The following MSH6 variants were observed in gnomAD, a reference collection of about 807,000 sequenced individuals.
The protein encoded by MSH6 is mutS homolog 6, also known as DNA mismatch repair protein Msh6.
MSH6 carries 85 observed loss-of-function variants against 119.1 expected under a neutral mutation model. The observed-to-expected ratio is 0.71, with a 90% CI of 0.60 to 0.85. The LOEUF is 0.85. Among genes scored for constraint, MSH6 ranks in the 40% least tolerant of loss-of-function variants. The pLI is 0.00. For synonymous variants in MSH6, 830 were observed against 586.9 expected, an observed-to-expected ratio of 1.41 and a Z score of -5.99; for missense variants, 2,163 against 1,655.3, an observed-to-expected ratio of 1.31 and a Z score of -5.32.
intron 3 of MSH6, among the ~76,000 whole-genome samples, chr2:47,796,702 T>C (rs1449044326): frequency 6.6e-6 from 1 of 152,248 alleles, no homozygotes; most frequent in Non-Finnish European, 1.5e-5. Flanking sequence ...GGTTAATGCC[T>C]ATAATCCCAG....
At chr2:47,796,497 C>T (rs894606365) in intron 3 of MSH6, among the ~76,000 whole-genome samples, 1 of 152,196 alleles carries the variant, frequency 6.6e-6, no homozygotes, top group Non-Finnish European at 1.5e-5. Flanking sequence ...CCACCTGGGC[C>T]TCCCAAAGTG....
chr2:47,788,505 G>C (rs1177995988), intron 1 of MSH6, among the ~76,000 whole-genome samples: 1 of 147,320 alleles, frequency 6.8e-6, no homozygotes, highest in African/African-American at 2.5e-5. Flanking sequence ...AACCCGCCTT[G>C]GCCTTTCAAA....
intron 1 of MSH6, chr2:47,783,929 A>C (rs1426538063): frequency 9.8e-6 from 10 of 1,020,290 alleles, no homozygotes; most frequent in Non-Finnish European, 1.2e-5. Context: ...GGGAAGGAGG[A>C]ATGCCTGCGG....
At position 47,804,946 on chromosome 2, in the gene MSH6, T is replaced by G. The variant is rs2104505614; in HGVS notation, c.3475T>G (p.Tyr1159Asp). ...AGCTGTAATGGCCCAGATGGGTTGT[T>G]ACGTCCCTGCTGAAGTGTGCAGGCT... is the stretch of plus-strand genomic sequence containing the variant. ...LLAVMAQMGC[Y>D]VPAEVCRLTP... is the part of the protein sequence containing the mutation. Residue 1159 changes from tyrosine (Y) to aspartate (D), a missense_variant, in exon 6 of 10, where the codon TAC (tyrosine) becomes GAC (aspartate). Tyr to Asp is a radical substitution (Grantham distance 160). Transcript: ENST00000234420. The G allele has an allele frequency of 1.9e-6, 3 of 1,614,166 alleles. No homozygotes were observed. Among genetic ancestry groups the G allele is most frequent in the Non-Finnish European group, 2.5e-6 (3 of 1,180,008 alleles).
intron 1 of MSH6, among the ~76,000 whole-genome samples, chr2:47,786,924 C>G (rs1344977718): frequency 6.6e-6 from 1 of 152,182 alleles, no homozygotes; most frequent in Non-Finnish European, 1.5e-5. Context: ...GTGTGAGCCA[C>G]CACACCCAGC....
chr2:47,785,736 A>G (rs1418322573), intron 1 of MSH6, among the ~76,000 whole-genome samples: 1 of 152,248 alleles, frequency 6.6e-6, no homozygotes, highest in Non-Finnish European at 1.5e-5. Context: ...TTAGAAAAGC[A>G]TGACGTATTG....
chr2:47,789,019 G>C (rs1431390309), intron 1 of MSH6, among the ~76,000 whole-genome samples: 1 of 138,646 alleles, frequency 7.2e-6, no homozygotes, highest in South Asian at 2.4e-4. Context: ...TCTGCTGCCC[G>C]GGTTCAAGTG....
Position 47,790,927 on chromosome 2 carries a change from T to G in MSH6, c.261T>G (p.Ser87Arg). 6.2e-7 allele frequency: 1 copy of G among 1,614,218 alleles called. No individual in the cohort carries two copies. Among genetic ancestry groups the G allele is most frequent in the Non-Finnish European group, 8.5e-7 (1 of 1,180,018 alleles). Reference sequence around the variant, plus strand: ...GTTATGTATTTCCTTTTGGCAACAGTTGTGACTTCTCACCAGGAGATTTGG... The same window carrying G: ...GTTATGTATTTCCTTTTGGCAACAGGTGTGACTTCTCACCAGGAGATTTGG... Reference protein sequence around the residue: ...RRSVAPAAPTSCDFSPGDLVW... With the variant: ...RRSVAPAAPTRCDFSPGDLVW... The change falls in exon 2 of 10, where the codon AGT becomes AGG. Residue 87 changes from serine to arginine, a missense_variant and splice_region_variant. Transcript: ENST00000234420.
chr2:47,783,440 G>A lies in MSH6; in HGVS notation c.207G>A (p.Ala69=), dbSNP rs757025193. 2 of 1,498,662 alleles carry A rather than the reference G, an allele frequency of 1.3e-6. No individual in the cohort carries two copies. The highest frequency in any genetic ancestry group is 4.9e-5 in the Admixed American group (2 of 41,140). 92.8% of individuals were successfully genotyped at this position (1,498,662 alleles called of 1,614,324 possible). The change falls in exon 1 of 10, where the codon GCG becomes GCA. Residue 69 remains alanine (A), a synonymous_variant. Coordinates refer to ENST00000234420, the MANE Select transcript of MSH6 (RefSeq NM_000179.3). ...CGCGCTCCGCGTCACCGCCCAAGGC[G>A]AAGAACCTCAACGGAGGGCTGCGGA... is the stretch of plus-strand genomic sequence containing the variant. ...PLARSASPPK[A]KNLNGGLRRS...
chr2:47,806,075 ATTT>A, intron 7 of MSH6, 126 bp from the exon 8 acceptor site: 1 of 906,960 alleles, frequency 1.1e-6, no homozygotes, highest in South Asian at 1.4e-5. Context: ...AACAAGGCCT[ATTT>A]ATAGAATGCT....
rs587782805 is a variant in MSH6 at position 47,800,130 on chromosome 2, C to T, written c.2147C>T (p.Thr716Ile). 2 of 1,613,970 alleles carry T rather than the reference C, an allele frequency of 1.2e-6. No homozygotes were observed. Among genetic ancestry groups the T allele is most frequent in the Admixed American group, 1.7e-5 (1 of 59,992 alleles). The part of the protein sequence containing the change: ...FEEYIPLDSD[T>I]VSTTRSGAIF... ...GAATATATTCCCTTGGATTCTGACA[C>T]AGTCAGCACTACAAGATCTGGTGCT... The change falls in exon 4 of 10, where the codon ACA becomes ATA. Residue 716 changes from threonine to isoleucine, a missense_variant. By Grantham distance (89) the Thr-to-Ile change is moderately conservative. Coordinates refer to ENST00000234420, the MANE Select transcript of MSH6 (RefSeq NM_000179.3).
intron 4 of MSH6, among the ~76,000 whole-genome samples, chr2:47,801,734 C>G (rs982960131): frequency 2.0e-5 from 3 of 152,046 alleles, no homozygotes; most frequent in Admixed American, 6.6e-5. Context: ...GCTCTGTTAC[C>G]CAGGACAGAC....
chr2:47,788,570 C>CTTTTTCT (rs1289777671), intron 1 of MSH6, among the ~76,000 whole-genome samples: 1 of 104,870 alleles, frequency 9.5e-6, no homozygotes, highest in African/African-American at 3.6e-5. Context: ...TTTTCTTTTT[C>CTTTTTCT]TTTTTTTTTT....
intron 3 of MSH6, among the ~76,000 whole-genome samples, chr2:47,796,955 G>T (rs970213588): frequency 6.6e-6 from 1 of 152,276 alleles, no homozygotes; most frequent in Non-Finnish European, 1.5e-5. Context: ...TCCAGCCAGG[G>T]TGACAGAGCA....
In MSH6 at chr2:47,806,202, A is replaced by C. The variant is rs267608111; in HGVS notation, c.3647-2A>C. On this transcript the variant is annotated splice_acceptor_variant, in intron 7 of 9. Transcript: ENST00000234420. LOFTEE classifies it high-confidence loss of function. ...TTCCTTATGCATATTTTACTTTAACAGGAAGAGGTACTGCAACATTTGATG... is the reference window on the plus strand; with the variant it reads ...TTCCTTATGCATATTTTACTTTAACCGGAAGAGGTACTGCAACATTTGATG... 6.2e-7 allele frequency: 1 copy of C among 1,613,836 alleles called. No individual in the cohort carries two copies. The highest frequency in any genetic ancestry group is 8.5e-7 in the Non-Finnish European group (1 of 1,179,796).
Position 47,799,794 on chromosome 2 carries a change from A to T in MSH6, c.1811A>T (p.Glu604Val), listed in dbSNP as rs2104369129. Residue 604 changes from glutamate to valine, a missense_variant, in exon 4 of 10, where the codon GAA (glutamate) becomes GTA (valine). Physicochemically the swap from Glu to Val is moderately radical, Grantham distance 121. Coordinates refer to ENST00000234420, the MANE Select transcript of MSH6 (RefSeq NM_000179.3). The stretch of plus-strand genomic sequence containing the variant: ...TTTGAAAAAGGAAATCTCTCAAAGG[A>T]AACTAAAACAATTCTAAAGAGTTCA... ...VLFEKGNLSK[E>V]TKTILKSSLS... is the part of the protein sequence containing the mutation. 6.2e-7 allele frequency: 1 copy of T among 1,614,236 alleles called. No individual in the cohort carries two copies. The highest frequency in any genetic ancestry group is 1.1e-5 in the South Asian group (1 of 91,088).
rs1114167754 is a variant in MSH6, at chr2:47,799,203, C to T, written c.1220C>T (p.Thr407Ile). Residue 407 changes from threonine to isoleucine, a missense_variant, in exon 4 of 10, where the codon ACT (threonine) becomes ATT (isoleucine). By Grantham distance (89) the Thr-to-Ile change is moderately conservative. Coordinates refer to ENST00000234420, the MANE Select transcript of MSH6 (RefSeq NM_000179.3). Reference sequence around the variant, plus strand: ...CCTGAGGATTTCCTCAATTCTTGTACTCCTGGGATGAGGAAGTGGTGGCAG... The same window carrying T: ...CCTGAGGATTTCCTCAATTCTTGTATTCCTGGGATGAGGAAGTGGTGGCAG... ...YVPEDFLNSC[T>I]PGMRKWWQIK... is the part of the protein sequence containing the mutation. 1.2e-6 allele frequency: 2 copies of T among 1,614,160 alleles called. No individual in the cohort carries two copies. The highest frequency in any genetic ancestry group is 8.5e-7 in the Non-Finnish European group (1 of 1,180,030).
In MSH6 at chr2:47,806,928, T is replaced by A; in HGVS notation, c.*68T>A. On this transcript the variant is annotated 3_prime_UTR_variant, in exon 10 of 10. Transcript: ENST00000234420. ...GGTAAATTCAGACAACATTATGATCTAATAAACTTTATTTTTTAAAAATGA... is the reference window on the plus strand; with the variant it reads ...GGTAAATTCAGACAACATTATGATCAAATAAACTTTATTTTTTAAAAATGA... 8.6e-7 allele frequency: 1 copy of A among 1,157,700 alleles called. No individual in the cohort carries two copies. The highest frequency in any genetic ancestry group is 1.3e-6 in the Non-Finnish European group (1 of 779,730). The allele number at this position is 1,157,700 out of a possible 1,614,324, so 71.7% of individuals were successfully genotyped here. A position where few individuals can be genotyped will look rare whatever the true frequency, so the allele number is the denominator to read the frequency against.
intron 1 of MSH6, among the ~76,000 whole-genome samples, chr2:47,788,922 G>GT (rs1558650240): frequency 0.024 from 999 of 40,930 alleles, 75 homozygotes; most frequent in Non-Finnish European, 0.032. Flanking sequence ...TTTTTTTTTT[G>GT]TTTTTTTTTT....
Sources: allele counts gnomAD v4.1 joint callset (sites outside exome capture counted in the v4.1 genomes callset), GRCh38; gene constraint gnomAD v4.1.1; transcripts MANE v1.5; gene names NCBI Gene and HGNC (gene_info 2026-07-23, HGNC 2026-07-21).